Variants in ZNF804A observed in about 807,000 individuals in gnomAD.
ZNF804A encodes zinc finger protein 804A.
In ZNF804A, 2 loss-of-function variants were observed where a neutral mutation model predicts 16.5. The observed-to-expected ratio is 0.12, with a 90% CI of 0.05 to 0.38. The LOEUF is 0.38. ZNF804A is among the 10% of genes least tolerant of loss of function. The pLI is 0.99. For synonymous variants in ZNF804A, 534 were observed against 489.6 expected (o/e 1.09, Z -1.20); for missense variants, 1,473 against 1,390.7 (o/e 1.06, Z -0.94).
rs538056005 is a variant in ZNF804A, at chr2:184,903,383, A to G, written c.256-30220A>G. On this transcript the variant is annotated intron_variant, in intron 2 of 3. Transcript: ENST00000302277. ...AGTATGTTTAAATACACGTATACTTACCATTGTGTTACAATTGCCTACAAT... is the reference window on the plus strand; with the variant it reads ...AGTATGTTTAAATACACGTATACTTGCCATTGTGTTACAATTGCCTACAAT... 1.8e-3 allele frequency among the ~76,000 whole-genome samples: 279 copies of G among 152,296 alleles called. 1 individual carries two copies. The highest frequency in any genetic ancestry group is 6.5e-3 in the African/African-American group (269 of 41,578).
At chr2:184,609,666 G>A (rs996088136) in intron 1 of ZNF804A, among the ~76,000 whole-genome samples, 9 of 152,206 alleles carry the variant, frequency 5.9e-5, no homozygotes, top group African/African-American at 9.6e-5. Flanking sequence ...CATGATGGAC[G>A]ACAGAGAGGG....
chr2:184,795,945 G>A (rs58159162), intron 1 of ZNF804A, among the ~76,000 whole-genome samples: 21,632 of 148,996 alleles, frequency 0.15, 1,671 homozygotes, highest in Middle Eastern at 0.25. Flanking sequence ...TTACCATGTC[G>A]AATGCTTTTT....
chr2:184,753,768 G>A (rs1246333851), intron 1 of ZNF804A, among the ~76,000 whole-genome samples: 1 of 151,828 alleles, frequency 6.6e-6, no homozygotes, highest in Non-Finnish European at 1.5e-5. Context: ...CTAAAGGTGA[G>A]ATTATCACAG....
intron 1 of ZNF804A, among the ~76,000 whole-genome samples, chr2:184,603,884 T>A (rs1053065087): frequency 5.3e-5 from 8 of 152,298 alleles, no homozygotes; most frequent in African/African-American, 1.7e-4. Flanking sequence ...GGTTTTGAAT[T>A]CTAGTGAAAC....
chr2:184,790,231 G>GT (rs1213824627), intron 1 of ZNF804A, among the ~76,000 whole-genome samples: 218 of 143,998 alleles, frequency 1.5e-3, no homozygotes, highest in East Asian at 4.5e-3. Context: ...TTGTTTTTTT[G>GT]TTTTTTTTTT....
In ZNF804A at chr2:184,936,062, G is replaced by A. The variant is rs779143111; in HGVS notation, c.666G>A (p.Ala222=). The change falls in exon 4 of 4, where the codon GCG becomes GCA. Residue 222 remains alanine, a synonymous_variant. Coordinates refer to ENST00000302277, the MANE Select transcript of ZNF804A (RefSeq NM_194250.2). ...IGFSFAFPKK[A]SVKLESSAAA... is the part of the protein sequence containing the mutation. ...TTTCTTTTGCATTTCCAAAGAAAGC[G>A]TCCGTGAAGCTAGAGTCCTCAGCTG... The A allele has an allele frequency of 1.4e-5, 23 of 1,613,860 alleles. No individual in the cohort carries two copies. Among genetic ancestry groups the A allele is most frequent in the African/African-American group, 9.3e-5 (7 of 74,902 alleles).
chr2:184,732,089 G>T (rs973514688), intron 1 of ZNF804A, among the ~76,000 whole-genome samples: 2 of 151,968 alleles, frequency 1.3e-5, no homozygotes, highest in Non-Finnish European at 2.9e-5. Context: ...TTCCTTTGTG[G>T]ATGTTTTATT....
chr2:184,919,539 C>A (rs1441132157), intron 2 of ZNF804A, among the ~76,000 whole-genome samples: 1 of 152,166 alleles, frequency 6.6e-6, no homozygotes, highest in Non-Finnish European at 1.5e-5. Flanking sequence ...CTGAGGTGAC[C>A]TTTTGATGAG....
chr2:184,780,379 T>TA (rs997836481), intron 1 of ZNF804A, among the ~76,000 whole-genome samples: 3 of 151,798 alleles, frequency 2.0e-5, no homozygotes, highest in African/African-American at 4.8e-5. Flanking sequence ...TAAACTTTTT[T>TA]AAAAAAATTA....
chr2:184,719,469 T>C (rs1693271223), intron 1 of ZNF804A, among the ~76,000 whole-genome samples: 1 of 152,188 alleles, frequency 6.6e-6, no homozygotes. Context: ...TACTATCATG[T>C]TGTCAAGCTG....
rs116185902 is a variant in ZNF804A at position 184,857,489 on chromosome 2, T to A, written c.112-8880T>A. Among the ~76,000 whole-genome samples, 359 of 152,270 alleles carry A rather than the reference T, an allele frequency of 2.4e-3. 1 individual carries two copies. Among genetic ancestry groups the A allele is most frequent in the Middle Eastern group, 0.01 (3 of 294 alleles). On this transcript the variant is annotated intron_variant, in intron 1 of 3. Transcript: ENST00000302277. ...TAATACTCCGTACATGTTGGTTAGG[T>A]CCATTTGGTCTAAGATGTAGTTTAA...
At chr2:184,668,130 T>C (rs1692279726) in intron 1 of ZNF804A, among the ~76,000 whole-genome samples, 1 of 151,840 alleles carries the variant, frequency 6.6e-6, no homozygotes, top group Non-Finnish European at 1.5e-5. Context: ...GACATATTAT[T>C]TTCTATGTGT....
intron 1 of ZNF804A, among the ~76,000 whole-genome samples, chr2:184,626,398 AT>A (rs1419984097): frequency 2.0e-5 from 3 of 152,192 alleles, no homozygotes; most frequent in Non-Finnish European, 4.4e-5. Flanking sequence ...TGCTTTTGGA[AT>A]TTTTGAAACT....
chr2:184,703,478 A>C lies in ZNF804A; in HGVS notation c.111+104408A>C, dbSNP rs182893685. On this transcript the variant is annotated intron_variant, in intron 1 of 3. Coordinates refer to ENST00000302277, the MANE Select transcript of ZNF804A (RefSeq NM_194250.2). ...AGCACTTTGGGAGGCCGAGGCGGGC[A>C]GATCATGAGATCAGGAGATCGAGAC... 4.6e-3 allele frequency among the ~76,000 whole-genome samples: 695 copies of C among 151,990 alleles called. 12 individuals are homozygous for C. The highest frequency in any genetic ancestry group is 0.015 in the African/African-American group (636 of 41,456).
At chr2:184,608,273 G>A (rs1161476469) in intron 1 of ZNF804A, among the ~76,000 whole-genome samples, 1 of 152,134 alleles carries the variant, frequency 6.6e-6, no homozygotes, top group Non-Finnish European at 1.5e-5. Flanking sequence ...AGTATAAGGG[G>A]TTGTTCTTTC....
intron 2 of ZNF804A, among the ~76,000 whole-genome samples, chr2:184,923,510 T>C (rs1685564060): frequency 6.6e-6 from 1 of 151,878 alleles, no homozygotes; most frequent in Non-Finnish European, 1.5e-5. Flanking sequence ...ACATGGCTTC[T>C]TCCTTTCCAA....
intron 1 of ZNF804A, among the ~76,000 whole-genome samples, chr2:184,789,789 A>C (rs1694505837): frequency 6.6e-6 from 1 of 152,088 alleles, no homozygotes; most frequent in South Asian, 2.1e-4. Flanking sequence ...TTTTAGTTTC[A>C]TTGATTCTTT....
chr2:184,812,759 G>A (rs1397992308), intron 1 of ZNF804A, among the ~76,000 whole-genome samples: 5 of 152,132 alleles, frequency 3.3e-5, no homozygotes, highest in Non-Finnish European at 7.4e-5. Context: ...TGTTGATTGT[G>A]AGGCTGTTGC....
chr2:184,816,409 C>G (rs1284497415), intron 1 of ZNF804A, among the ~76,000 whole-genome samples: 1 of 152,018 alleles, frequency 6.6e-6, no homozygotes, highest in Non-Finnish European at 1.5e-5. Context: ...TTGGCACTTT[C>G]TCCATTAGAG....
Sources: allele counts gnomAD v4.1 joint callset (sites outside exome capture counted in the v4.1 genomes callset), GRCh38; gene constraint gnomAD v4.1.1; transcripts MANE v1.5; gene names NCBI Gene and HGNC (gene_info 2026-07-23, HGNC 2026-07-21).